The following ZBTB20 variants were observed in gnomAD, a reference collection of about 807,000 sequenced individuals.
The protein encoded by ZBTB20 is zinc finger and BTB domain containing 20, also known as zinc finger and BTB domain-containing protein 20.
A neutral mutation model predicts 56.9 loss-of-function variants in ZBTB20; 9 were observed. The ratio of observed to expected loss-of-function variants is 0.16; its 90% CI spans 0.10 to 0.28. The LOEUF (loss-of-function observed/expected upper bound fraction) is 0.28, where lower values mean the gene tolerates loss of function less well. Ranked by LOEUF, ZBTB20 falls within the 10% of genes least tolerant of loss-of-function variation. ZBTB20 has a pLI of 1.00. For synonymous variants in ZBTB20, 417 were observed against 420.7 expected, an observed-to-expected ratio of 0.99 and a Z score of 0.11; for missense variants, 655 against 1,003.0, an observed-to-expected ratio of 0.65 and a Z score of 4.69.
chr3:114,615,968 G>A (rs898823310), intron 6 of ZBTB20, among the ~76,000 whole-genome samples: 2 of 152,122 alleles, frequency 1.3e-5, no homozygotes, highest in African/African-American at 2.4e-5. Flanking sequence ...CAATGTACAC[G>A]GCCAGGAGAA....
At chr3:114,668,508 C>T (rs765631338) in intron 6 of ZBTB20, among the ~76,000 whole-genome samples, 1 of 152,000 alleles carries the variant, frequency 6.6e-6, no homozygotes, top group South Asian at 2.1e-4. Flanking sequence ...AGGTTCTGAT[C>T]CCCTAAAATC....
At chr3:115,125,951 G>A (rs974554535) in intron 1 of ZBTB20, among the ~76,000 whole-genome samples, 1 of 151,968 alleles carries the variant, frequency 6.6e-6, no homozygotes, top group African/African-American at 2.4e-5. Flanking sequence ...AGCTACAAGG[G>A]AGAAGAGATA....
chr3:114,492,418 T>C (rs1379711619), intron 7 of ZBTB20, among the ~76,000 whole-genome samples: 1 of 152,224 alleles, frequency 6.6e-6, no homozygotes, highest in East Asian at 1.9e-4. Flanking sequence ...TAACTGTGAA[T>C]GGTATTATCC....
At chr3:115,108,627 G>C (rs941295529) in intron 1 of ZBTB20, among the ~76,000 whole-genome samples, 1 of 152,096 alleles carries the variant, frequency 6.6e-6, no homozygotes, top group South Asian at 2.1e-4. Context: ...GTAGTAGAAC[G>C]AAGAATCAAA....
At chr3:114,945,913 T>G (rs1172480690) in intron 3 of ZBTB20, among the ~76,000 whole-genome samples, 1 of 145,020 alleles carries the variant, frequency 6.9e-6, no homozygotes, top group African/African-American at 2.8e-5. Flanking sequence ...CTAAGTAGAA[T>G]GAAAAGAAAT....
intron 4 of ZBTB20, among the ~76,000 whole-genome samples, chr3:114,897,542 G>A (rs971357596): frequency 6.6e-5 from 10 of 152,074 alleles, no homozygotes; most frequent in Non-Finnish European, 1.2e-4. Context: ...TGAGATTCCA[G>A]GCTAATTCCT....
chr3:114,989,457 C>G (rs1482146316), intron 2 of ZBTB20, among the ~76,000 whole-genome samples: 8 of 152,070 alleles, frequency 5.3e-5, no homozygotes, highest in Non-Finnish European at 1.2e-4. Context: ...TTCCATTGCT[C>G]TATCTCTCTG....
At chr3:114,708,123 T>A (rs2063830203) in intron 5 of ZBTB20, among the ~76,000 whole-genome samples, 4 of 152,212 alleles carry the variant, frequency 2.6e-5, no homozygotes. Flanking sequence ...AGAACATGCA[T>A]AAGAAAGAAA....
intron 6 of ZBTB20, among the ~76,000 whole-genome samples, chr3:114,560,723 T>C (rs1159651782): frequency 6.6e-6 from 1 of 152,206 alleles, no homozygotes; most frequent in East Asian, 1.9e-4. Flanking sequence ...GTGGAGGGTC[T>C]TGCTTTGATG....
intron 5 of ZBTB20, among the ~76,000 whole-genome samples, chr3:114,777,088 T>C (rs1171042598): frequency 1.3e-5 from 2 of 152,208 alleles, no homozygotes; most frequent in Non-Finnish European, 2.9e-5. Context: ...ACATATATAC[T>C]GTATTATAAA....
chr3:114,524,071 A>G (rs975859919), intron 6 of ZBTB20, among the ~76,000 whole-genome samples: 2 of 152,188 alleles, frequency 1.3e-5, no homozygotes, highest in Non-Finnish European at 2.9e-5. Flanking sequence ...AGAGAAGGTC[A>G]ATGGTGTTAA....
intron 6 of ZBTB20, among the ~76,000 whole-genome samples, chr3:114,593,685 A>T (rs980303534): frequency 6.6e-6 from 1 of 152,088 alleles, no homozygotes; most frequent in Non-Finnish European, 1.5e-5. Flanking sequence ...CGCCTGGCCT[A>T]GGAGATTTTG....
chr3:114,855,297 A>G (rs1374748426), intron 4 of ZBTB20, among the ~76,000 whole-genome samples: 1 of 152,174 alleles, frequency 6.6e-6, no homozygotes, highest in Non-Finnish European at 1.5e-5. Flanking sequence ...TGTTATTTCT[A>G]TTGTTGGGAA....
At chr3:114,440,835 T>A (rs2090870574) in intron 7 of ZBTB20, among the ~76,000 whole-genome samples, 2 of 152,168 alleles carry the variant, frequency 1.3e-5, no homozygotes, top group African/African-American at 4.8e-5. Context: ...TCCTGGGATA[T>A]CAGACAAAAG....
intron 5 of ZBTB20, among the ~76,000 whole-genome samples, chr3:114,748,664 G>A (rs1007997295): frequency 2.0e-5 from 3 of 152,020 alleles, no homozygotes; most frequent in African/African-American, 4.8e-5. Context: ...GGGCACTTCT[G>A]TAGAAAATGA....
chr3:114,847,470 T>C (rs1453524081), intron 4 of ZBTB20, among the ~76,000 whole-genome samples: 1 of 152,108 alleles, frequency 6.6e-6, no homozygotes, highest in African/African-American at 2.4e-5. Context: ...AGAGGGTTTA[T>C]AGGAATTAAG....
At chr3:114,745,798 A>G (rs2066995352) in intron 5 of ZBTB20, among the ~76,000 whole-genome samples, 1 of 152,184 alleles carries the variant, frequency 6.6e-6, no homozygotes, top group African/African-American at 2.4e-5. Flanking sequence ...CATAATAATA[A>G]TAGTAATAAT....
At chr3:115,070,742 C>T (rs909877769) in intron 2 of ZBTB20, among the ~76,000 whole-genome samples, 8 of 151,934 alleles carry the variant, frequency 5.3e-5, no homozygotes, top group Non-Finnish European at 1.2e-4. Flanking sequence ...CAAAATTCCA[C>T]CCCAAACTCA....
chr3:115,054,417 A>C (rs1176073166), intron 2 of ZBTB20, among the ~76,000 whole-genome samples: 2 of 152,122 alleles, frequency 1.3e-5, no homozygotes, highest in African/African-American at 2.4e-5. Context: ...CTTAATATTA[A>C]AAATGAAGAA....
Sources: allele counts gnomAD v4.1 joint callset (sites outside exome capture counted in the v4.1 genomes callset), GRCh38; gene constraint gnomAD v4.1.1; transcripts MANE v1.5; gene names NCBI Gene and HGNC (gene_info 2026-07-23, HGNC 2026-07-21).